CCDC112: variants seen among roughly 807,000 people sequenced by gnomAD.
CCDC112 encodes the protein coiled-coil domain-containing protein 112.
A neutral mutation model predicts 66.3 loss-of-function variants in CCDC112; 40 were observed. The observed-to-expected ratio is 0.60, with a 90% CI of 0.47 to 0.79. CCDC112 has a LOEUF of 0.79. Among genes scored for constraint, CCDC112 ranks in the 30% least tolerant of loss-of-function variants. The probability of loss-of-function intolerance (pLI) is 0.00; values close to 1 mark genes in which losing one functional copy is unlikely to be tolerated. For synonymous variants in CCDC112, 214 were observed against 197.2 expected (o/e 1.09, Z -0.71); for missense variants, 659 against 603.8 (o/e 1.09, Z -0.96).
Position 115,296,507 on chromosome 5 carries a change from C to T in CCDC112, c.37G>A (p.Ala13Thr), listed in dbSNP as rs776505988. Residue 13 changes from alanine (A) to threonine (T), a missense_variant, in exon 1 of 10, where the codon GCC (alanine) becomes ACC (threonine). Transcript: ENST00000379611. ...GCCACAGCCCCGGCTACCGCGGTGG[C>T]CGCAGCCGCTACCACAACCGTCGTC... ...ALTTVVVAAAATAVAGAVAGA... is the reference protein window; with the variant it reads ...ALTTVVVAAATTAVAGAVAGA... 8 of 1,546,770 alleles carry T rather than the reference C, an allele frequency of 5.2e-6. No homozygotes were observed. Among genetic ancestry groups the T allele is most frequent in the South Asian group, 1.2e-5 (1 of 85,154 alleles).
At chr5:115,292,173 G>A (rs567292161) in intron 1 of CCDC112, among the ~76,000 whole-genome samples, 18 of 152,054 alleles carry the variant, frequency 1.2e-4, no homozygotes, top group Admixed American at 9.8e-4. Context: ...CTCAGACTCT[G>A]TTCATTTTTC....
chr5:115,281,075 G>C (rs1426778372), intron 2 of CCDC112, among the ~76,000 whole-genome samples: 2 of 151,190 alleles, frequency 1.3e-5, no homozygotes, highest in African/African-American at 4.9e-5. Context: ...CCAGGCTGGA[G>C]TGCAGTGGTG....
At chr5:115,295,871 G>C (rs1242556348) in intron 1 of CCDC112, 6 of 984,798 alleles carry the variant, frequency 6.1e-6, no homozygotes, top group Non-Finnish European at 7.2e-6. Context: ...GGAGATCATG[G>C]AAAGTCTCGC....
chr5:115,271,226 C>T lies in CCDC112; in HGVS notation c.1319G>A (p.Arg440Lys), dbSNP rs770668866. The T allele has an allele frequency of 1.3e-5, 20 of 1,579,726 alleles. No homozygotes were observed. The highest frequency in any genetic ancestry group is 1.5e-5 in the Non-Finnish European group (18 of 1,170,778). Residue 440 changes from arginine (R) to lysine (K), a missense_variant, in exon 7 of 10, where the codon AGA becomes AAA. Coordinates refer to ENST00000379611, the MANE Select transcript of CCDC112 (RefSeq NM_001040440.3). ...AGATTTACTCACTCTTTCTTGAAATCTGGAAATTTCATCAGCAGCATTTTT... is the reference window on the plus strand; with the variant it reads ...AGATTTACTCACTCTTTCTTGAAATTTGGAAATTTCATCAGCAGCATTTTT... ...KRKNAADEIS[R>K]FQERDLHKLE...
At chr5:115,272,458 T>A (rs1162849678) in intron 6 of CCDC112, among the ~76,000 whole-genome samples, 2 of 152,182 alleles carry the variant, frequency 1.3e-5, no homozygotes, top group South Asian at 2.1e-4. Flanking sequence ...CCACTAAACT[T>A]CTCTGTCCTC....
chr5:115,289,204 T>C, intron 1 of CCDC112: 1 of 175,938 alleles, frequency 5.7e-6, no homozygotes, highest in Non-Finnish European at 1.2e-5. Flanking sequence ...AGATTTATCC[T>C]TTCATGACTG....
chr5:115,278,794 T>C (rs1749318046), intron 3 of CCDC112, among the ~76,000 whole-genome samples: 1 of 152,184 alleles, frequency 6.6e-6, no homozygotes, highest in South Asian at 2.1e-4. Flanking sequence ...CAACCTTGTA[T>C]TTTGAAAGAA....
intron 3 of CCDC112, among the ~76,000 whole-genome samples, chr5:115,278,615 G>C (rs1158145522): frequency 6.6e-6 from 1 of 151,928 alleles, no homozygotes; most frequent in East Asian, 1.9e-4. Flanking sequence ...CTGAGACATA[G>C]AAAAATCAGC....
At chr5:115,292,315 T>C (rs1479100177) in intron 1 of CCDC112, among the ~76,000 whole-genome samples, 2 of 152,232 alleles carry the variant, frequency 1.3e-5, no homozygotes, top group Non-Finnish European at 2.9e-5. Flanking sequence ...ATTTGAGTTC[T>C]TGCATTTTTT....
rs771775301 is a variant in CCDC112, at chr5:115,275,461, T to C, written c.673A>G (p.Thr225Ala). ...ISSKVPVDKV[T>A]PSTLPEEVLD... The stretch of plus-strand genomic sequence containing the variant: ...ACCTCTTCTGGAAGAGTACTTGGTG[T>C]TACTTTGTCTACAGGAACTTTGCTT... Residue 225 changes from threonine (T) to alanine (A), a missense_variant, in exon 6 of 10, where the codon ACA (threonine) becomes GCA (alanine). Transcript: ENST00000379611. The C allele has an allele frequency of 6.2e-7, 1 of 1,614,110 alleles. No individual in the cohort carries two copies. Among genetic ancestry groups the C allele is most frequent in the Non-Finnish European group, 8.5e-7 (1 of 1,180,006 alleles).
At chr5:115,288,097 C>T (rs188318751) in intron 1 of CCDC112, among the ~76,000 whole-genome samples, 1 of 151,986 alleles carries the variant, frequency 6.6e-6, no homozygotes, top group Non-Finnish European at 1.5e-5. Context: ...TCTCCTGCCT[C>T]AGCCTCCCGA....
intron 2 of CCDC112, among the ~76,000 whole-genome samples, chr5:115,284,192 T>C (rs1749575881): frequency 6.6e-6 from 1 of 151,968 alleles, no homozygotes; most frequent in South Asian, 2.1e-4. Flanking sequence ...TCAAATAGGC[T>C]TGGTGGTGAA....
chr5:115,286,282 T>C (rs902154420), intron 1 of CCDC112, among the ~76,000 whole-genome samples: 1 of 152,234 alleles, frequency 6.6e-6, no homozygotes, highest in Non-Finnish European at 1.5e-5. Context: ...AGAATTTATA[T>C]AAATGGGCTC....
chr5:115,281,859 T>C (rs889225426), intron 2 of CCDC112, among the ~76,000 whole-genome samples: 32 of 152,314 alleles, frequency 2.1e-4, no homozygotes, highest in African/African-American at 7.2e-4. Flanking sequence ...AAATTTAATA[T>C]ATTTTGTTGA....
At chr5:115,270,355 T>C (rs1218349143) in intron 7 of CCDC112, among the ~76,000 whole-genome samples, 5 of 152,236 alleles carry the variant, frequency 3.3e-5, no homozygotes, top group Admixed American at 3.3e-4. Context: ...TTGATGCACA[T>C]AACAATTCAT....
chr5:115,275,127 G>T, intron 6 of CCDC112, 89 bp downstream of exon 6: 2 of 955,766 alleles, frequency 2.1e-6, no homozygotes, highest in African/African-American at 1.7e-5. Flanking sequence ...TCATGGGATT[G>T]CTGTAAAGTT....
intron 1 of CCDC112, among the ~76,000 whole-genome samples, chr5:115,294,468 A>G (rs1300785807): frequency 3.3e-5 from 5 of 152,238 alleles, no homozygotes; most frequent in Non-Finnish European, 7.3e-5. Context: ...AAGAGGCCTC[A>G]CCAGAAACCA....
At chr5:115,268,837 A>G (rs1748879709) in intron 9 of CCDC112, 45 bp downstream of exon 9, 3 of 1,025,512 alleles carry the variant, frequency 2.9e-6, no homozygotes, top group Non-Finnish European at 4.3e-6. Context: ...ATAAACATGC[A>G]GCAATTAAAT....
Position 115,271,521 on chromosome 5 carries a change from C to A in CCDC112, c.1024G>T (p.Asp342Tyr). The change falls in exon 7 of 10, where the codon GAT becomes TAT. Residue 342 changes from aspartate to tyrosine, a missense_variant. Physicochemically the swap from Asp to Tyr is radical, Grantham distance 160. Coordinates refer to ENST00000379611, the MANE Select transcript of CCDC112 (RefSeq NM_001040440.3). ...TPVLFHNKQE[D>Y]NQKQKEEQRK... ...TGTTCCTCTTTTTGCTTTTGATTAT[C>A]CTCTTGTTTATTATGAAAAAGCACA... 2.5e-6 allele frequency: 4 copies of A among 1,611,646 alleles called. No homozygotes were observed. The highest frequency in any genetic ancestry group is 2.5e-6 in the Non-Finnish European group (3 of 1,179,468).
Sources: gnomAD v4.1 joint callset for allele counts (sites outside exome capture counted in the v4.1 genomes callset) on GRCh38, gnomAD v4.1.1 for gene constraint, MANE v1.5 for transcripts, NCBI Gene and HGNC (gene_info 2026-07-23, HGNC 2026-07-21) for gene names.